PPP1R12A: variants seen among roughly 807,000 people sequenced by gnomAD.
PPP1R12A encodes the protein protein phosphatase 1 regulatory subunit 12A, also known as myosin binding subunit.
Under a neutral mutation model 139.6 loss-of-function variants are expected in PPP1R12A, and 19 were observed. The ratio of observed to expected loss-of-function variants is 0.14; its 90% CI spans 0.09 to 0.20. The LOEUF (loss-of-function observed/expected upper bound fraction) is 0.20, where lower values mean the gene tolerates loss of function less well. PPP1R12A is among the 10% of genes least tolerant of loss of function. The pLI, the probability that PPP1R12A is intolerant of heterozygous loss-of-function variation, is 1.00. For synonymous variants in PPP1R12A, 427 were observed against 420.6 expected, an observed-to-expected ratio of 1.02 and a Z score of -0.19; for missense variants, 925 against 1,211.5, an observed-to-expected ratio of 0.76 and a Z score of 3.51.
intron 9 of PPP1R12A, 85 bp downstream of exon 9, chr12:79,817,309 A>G: frequency 7.7e-7 from 1 of 1,298,842 alleles, no homozygotes; most frequent in Non-Finnish European, 1.0e-6. Flanking sequence ...ACAGACTATA[A>G]AAATTCAGAA....
chr12:79,928,128 T>C (rs1887984826), intron 1 of PPP1R12A, among the ~76,000 whole-genome samples: 1 of 152,222 alleles, frequency 6.6e-6, no homozygotes, highest in South Asian at 2.1e-4. Flanking sequence ...CTGTAATTTT[T>C]AAATGTGGTA....
intron 5 of PPP1R12A, chr12:79,828,039 T>C (rs1212428136): frequency 9.9e-6 from 2 of 202,044 alleles, no homozygotes; most frequent in Non-Finnish European, 2.0e-5. Flanking sequence ...ATAGTATTAA[T>C]GCAAGTATCC....
At chr12:79,926,848 G>T (rs974399770) in intron 1 of PPP1R12A, among the ~76,000 whole-genome samples, 3 of 151,884 alleles carry the variant, frequency 2.0e-5, no homozygotes, top group African/African-American at 7.3e-5. Context: ...TCTCTAAAAA[G>T]AATCAAATAT....
intron 3 of PPP1R12A, among the ~76,000 whole-genome samples, chr12:79,832,948 C>T (rs1210199831): frequency 2.0e-5 from 3 of 152,084 alleles, no homozygotes; most frequent in Non-Finnish European, 4.4e-5. Context: ...ATATATCATA[C>T]CTTAAAATAG....
rs568265420 is a variant in PPP1R12A at position 79,779,349 on chromosome 12, C to T, written c.2956-749G>A. The T allele has an allele frequency of 2.0e-3, 2,621 of 1,289,018 alleles. 3 individuals are homozygous for T. Among genetic ancestry groups the T allele is most frequent in the Non-Finnish European group, 2.4e-3 (2,407 of 988,616 alleles). 79.8% of individuals were successfully genotyped at this position (1,289,018 alleles called of 1,614,324 possible). A position where few individuals can be genotyped will look rare whatever the true frequency, so the allele number is the denominator to read the frequency against. ...CCAGAAGATACTGACTCTTGCCGGT[C>T]ACCTTTCAGATACAAACCATTTAAA... On this transcript the variant is annotated intron_variant, in intron 23 of 24. Coordinates refer to ENST00000450142, the MANE Select transcript of PPP1R12A (RefSeq NM_002480.3).
chr12:79,808,561 C>T lies in PPP1R12A; in HGVS notation c.1472G>A (p.Gly491Glu), dbSNP rs367999544. The stretch of plus-strand genomic sequence containing the variant: ...AGGTGCAACATATGCAAGCCTAGTT[C>T]CTTTACTATCTTTCTCCTACACAAC... The part of the protein sequence containing the change: ...DNKEKEKDSK[G>E]TRLAYVAPTI... The change falls in exon 11 of 25, where the codon GGA (glycine) becomes GAA (glutamate). Residue 491 changes from glycine to glutamate, a missense_variant. Transcript: ENST00000450142. The T allele has an allele frequency of 2.4e-5, 39 of 1,602,470 alleles. No homozygotes were observed. The highest frequency in any genetic ancestry group is 3.2e-5 in the Non-Finnish European group (37 of 1,171,598).
chr12:79,834,365 G>A (rs1004070084), intron 3 of PPP1R12A, among the ~76,000 whole-genome samples: 4 of 152,144 alleles, frequency 2.6e-5, no homozygotes, highest in South Asian at 2.1e-4. Flanking sequence ...GACAATGAGC[G>A]TGGTGACACG....
At chr12:79,935,140 G>A (rs912164368), upstream of PPP1R12A, 4 of 1,339,690 alleles carry the variant, frequency 3.0e-6, no homozygotes, top group Non-Finnish European at 3.8e-6. Context: ...TCCTACCACA[G>A]AAGCCCTCCC....
At chr12:79,784,391 C>G (rs1870849196) in intron 22 of PPP1R12A, among the ~76,000 whole-genome samples, 1 of 152,200 alleles carries the variant, frequency 6.6e-6, no homozygotes, top group African/African-American at 2.4e-5. Flanking sequence ...ACCTGACCCA[C>G]AGGCAACTTT....
chr12:79,789,032 G>T (rs1257717124), intron 20 of PPP1R12A, among the ~76,000 whole-genome samples: 1 of 152,066 alleles, frequency 6.6e-6, no homozygotes, highest in East Asian at 1.9e-4. Context: ...GACTTCTCGG[G>T]CTCAAGTGAT....
At chr12:79,914,422 T>C (rs1000744024) in intron 1 of PPP1R12A, among the ~76,000 whole-genome samples, 1 of 152,082 alleles carries the variant, frequency 6.6e-6, no homozygotes, top group African/African-American at 2.4e-5. Context: ...ATTTGGCTAG[T>C]GTGTCCTTGA....
intron 1 of PPP1R12A, among the ~76,000 whole-genome samples, chr12:79,900,533 A>G (rs1022601616): frequency 2.0e-5 from 3 of 152,190 alleles, no homozygotes; most frequent in African/African-American, 7.2e-5. Flanking sequence ...TCATGAACAA[A>G]GCTTTTCAAG....
At chr12:79,840,298 T>C (rs1022870411) in intron 3 of PPP1R12A, among the ~76,000 whole-genome samples, 1 of 152,220 alleles carries the variant, frequency 6.6e-6, no homozygotes, top group African/African-American at 2.4e-5. Context: ...ATAATAAGCA[T>C]TTAATAACAG....
chr12:79,935,208 G>C (rs1418583185), upstream of PPP1R12A: 11 of 1,302,746 alleles, frequency 8.4e-6, no homozygotes, highest in African/African-American at 1.5e-5. Context: ...CGCGAGATCC[G>C]GACTGGGAGG....
chr12:79,922,309 G>T (rs1163329735), intron 1 of PPP1R12A, among the ~76,000 whole-genome samples: 2 of 152,082 alleles, frequency 1.3e-5, no homozygotes, highest in African/African-American at 4.8e-5. Context: ...CTGCCTGTGG[G>T]TGACATATAG....
At chr12:79,866,565 T>C (rs1315245329) in intron 2 of PPP1R12A, among the ~76,000 whole-genome samples, 4 of 152,114 alleles carry the variant, frequency 2.6e-5, no homozygotes, top group Non-Finnish European at 2.9e-5. Context: ...ATTTTTGCAA[T>C]CTATCCATCT....
chr12:79,906,037 T>C (rs927110576), intron 1 of PPP1R12A, among the ~76,000 whole-genome samples: 2 of 152,190 alleles, frequency 1.3e-5, no homozygotes, highest in Admixed American at 6.5e-5. Flanking sequence ...GAAATCATCC[T>C]ACTTTAAATG....
At chr12:79,906,457 G>A (rs935792031) in intron 1 of PPP1R12A, among the ~76,000 whole-genome samples, 3 of 151,916 alleles carry the variant, frequency 2.0e-5, no homozygotes, top group African/African-American at 4.8e-5. Flanking sequence ...TTTTCTAAAT[G>A]TTCTATACGG....
chr12:79,882,665 T>C (rs988648273), intron 1 of PPP1R12A, among the ~76,000 whole-genome samples: 1 of 152,216 alleles, frequency 6.6e-6, no homozygotes, highest in African/African-American at 2.4e-5. Flanking sequence ...ACTCCAATTC[T>C]GAAAGAAGTT....
Sources: allele counts gnomAD v4.1 joint callset (sites outside exome capture counted in the v4.1 genomes callset), GRCh38; gene constraint gnomAD v4.1.1; transcripts MANE v1.5; gene names NCBI Gene and HGNC (gene_info 2026-07-23, HGNC 2026-07-21).